The following MGLL variants were observed in gnomAD, a reference collection of about 807,000 sequenced individuals.
The protein encoded by MGLL is monoglyceride lipase.
A neutral mutation model predicts 29.1 loss-of-function variants in MGLL; 7 were observed. The observed-to-expected ratio is 0.24, with a 90% CI of 0.14 to 0.45. The LOEUF is 0.45. Among genes scored for constraint, MGLL ranks in the 20% least tolerant of loss-of-function variants. MGLL has a pLI of 0.99. For missense variants in MGLL, 356 were observed against 413.6 expected (o/e 0.86, Z 1.21); for synonymous variants, 148 against 168.3 (o/e 0.88, Z 0.93).
At chr3:127,813,692 A>C (rs1256527639) in intron 2 of MGLL, among the ~76,000 whole-genome samples, 1 of 152,172 alleles carries the variant, frequency 6.6e-6, no homozygotes. Flanking sequence ...CTTTCCATCT[A>C]TGAAATGATG....
At chr3:127,781,747 G>A in intron 3 of MGLL, 42 bp downstream of exon 3, 1 of 1,563,894 alleles carries the variant, frequency 6.4e-7, no homozygotes, top group Non-Finnish European at 8.8e-7. Context: ...TCTCCAAATT[G>A]TCAGGGCCCA....
intron 5 of MGLL, among the ~76,000 whole-genome samples, chr3:127,716,253 C>T (rs181922704): frequency 1.0e-3 from 153 of 152,350 alleles, no homozygotes; most frequent in African/African-American, 3.6e-3. Context: ...TCTGAATCCT[C>T]GAGAAAGTCT....
intron 3 of MGLL, among the ~76,000 whole-genome samples, chr3:127,754,561 G>A (rs980040217): frequency 1.3e-5 from 2 of 152,198 alleles, no homozygotes; most frequent in Admixed American, 6.5e-5. Flanking sequence ...CAGGGTGGAC[G>A]CTGAGGCACA....
chr3:127,705,864 A>G (rs1432138960), intron 6 of MGLL, among the ~76,000 whole-genome samples: 5 of 152,118 alleles, frequency 3.3e-5, no homozygotes, highest in Non-Finnish European at 5.9e-5. Context: ...ATCACTAACC[A>G]TTAGGGAAAT....
At position 127,719,583 on chromosome 3, in the gene MGLL, G is replaced by A. The variant is rs564715350; in HGVS notation, c.510+1470C>T. On this transcript the variant is annotated intron_variant, in intron 5 of 7. Coordinates refer to ENST00000265052, the MANE Select transcript of MGLL (RefSeq NM_007283.7). ...CTGCATATAGCAAATCCCATGGAAC[G>A]CAGCGGGAACGCCCCTGCTGCTGAG... is the stretch of plus-strand genomic sequence containing the variant. 8.5e-5 allele frequency among the ~76,000 whole-genome samples: 13 copies of A among 152,364 alleles called. No homozygotes were observed. In the South Asian group the frequency reaches 2.3e-3, roughly 27 times the overall value.
chr3:127,778,915 C>A (rs760951940), intron 3 of MGLL, among the ~76,000 whole-genome samples: 3 of 151,946 alleles, frequency 2.0e-5, no homozygotes, highest in Non-Finnish European at 4.4e-5. Context: ...TGGGGCCCAG[C>A]TAATTAAAAA....
rs1271496294 is a variant in MGLL, at chr3:127,692,959, T to C, written c.817-636A>G. Among the ~76,000 whole-genome samples, 3 of 152,216 alleles carry C rather than the reference T, an allele frequency of 2.0e-5. No homozygotes were observed. In the East Asian group the frequency reaches 5.8e-4, roughly 29 times the overall value. On this transcript the variant is annotated intron_variant, in intron 7 of 7. Coordinates refer to ENST00000265052, the MANE Select transcript of MGLL (RefSeq NM_007283.7). ...TGGCTGTGCCCTCCTTCACTCTCCC[T>C]GGTCACCTTGTCCAGTCCAGTGGTT...
intron 3 of MGLL, among the ~76,000 whole-genome samples, chr3:127,776,944 G>A (rs1403278274): frequency 6.6e-6 from 1 of 152,172 alleles, no homozygotes; most frequent in Admixed American, 6.5e-5. Flanking sequence ...GTAAGACACT[G>A]TCTTTGCCTG....
chr3:127,799,650 T>C (rs746714169), intron 2 of MGLL, among the ~76,000 whole-genome samples: 18 of 152,234 alleles, frequency 1.2e-4, no homozygotes, highest in Non-Finnish European at 1.9e-4. Context: ...TCCTGATTCC[T>C]GGCTGATGTC....
intron 6 of MGLL, among the ~76,000 whole-genome samples, chr3:127,708,625 G>A (rs782451): frequency 1.3e-5 from 2 of 152,222 alleles, no homozygotes; most frequent in East Asian, 1.9e-4. Flanking sequence ...GATAAACAAC[G>A]TGGATTTGCA....
Position 127,822,293 on chromosome 3 carries a change from A to G in MGLL, c.10+16T>C. The G allele has an allele frequency of 1.2e-6, 2 of 1,611,136 alleles. No individual in the cohort carries two copies. Among genetic ancestry groups the G allele is most frequent in the African/African-American group, 1.3e-5 (1 of 75,000 alleles). Reference sequence around the variant, plus strand: ...ATTATTCCTCCCATCTGAAATTCCAAGGATACATGACAAACCTGTTTCCAT... The same window carrying G: ...ATTATTCCTCCCATCTGAAATTCCAGGGATACATGACAAACCTGTTTCCAT... On this transcript the variant is annotated intron_variant, in intron 1 of 7. Coordinates refer to ENST00000265052, the MANE Select transcript of MGLL (RefSeq NM_007283.7).
intron 3 of MGLL, among the ~76,000 whole-genome samples, chr3:127,772,031 G>A (rs539232174): frequency 3.2e-4 from 49 of 152,186 alleles, no homozygotes; most frequent in Middle Eastern, 3.4e-3. Flanking sequence ...CTTTCCTACC[G>A]TCCCTCAAAA....
intron 2 of MGLL, among the ~76,000 whole-genome samples, chr3:127,796,210 A>T (rs2077379494): frequency 6.6e-6 from 1 of 152,202 alleles, no homozygotes; most frequent in Non-Finnish European, 1.5e-5. Flanking sequence ...AGATATTACT[A>T]ATCAATCCCA....
chr3:127,795,713 A>G (rs1261152831), intron 2 of MGLL, among the ~76,000 whole-genome samples: 1 of 152,138 alleles, frequency 6.6e-6, no homozygotes, highest in Non-Finnish European at 1.5e-5. Context: ...AAAGTGAAAA[A>G]AGCATGCCAC....
intron 2 of MGLL, among the ~76,000 whole-genome samples, chr3:127,783,143 CAAAAAAAA>C (rs72041528): frequency 9.4e-5 from 6 of 63,930 alleles, no homozygotes; most frequent in African/African-American, 1.3e-4. Flanking sequence ...GACTCTGTCT[CAAAAAAAA>C]AAAAAAAAAA....
At chr3:127,737,220 G>A (rs1403352758) in intron 3 of MGLL, among the ~76,000 whole-genome samples, 2 of 151,536 alleles carry the variant, frequency 1.3e-5, no homozygotes, top group African/African-American at 2.4e-5. Flanking sequence ...AGTGCTTCCT[G>A]TGTGCCCTGC....
At chr3:127,730,542 C>G (rs1158453940) in intron 3 of MGLL, among the ~76,000 whole-genome samples, 1 of 152,162 alleles carries the variant, frequency 6.6e-6, no homozygotes, top group Admixed American at 6.5e-5. Context: ...TCCATGGCAT[C>G]CACTGTAATT....
chr3:127,692,646 C>T (rs148579520), intron 7 of MGLL, among the ~76,000 whole-genome samples: 168 of 152,264 alleles, frequency 1.1e-3, no homozygotes, highest in Non-Finnish European at 1.8e-3. Flanking sequence ...GTTCCACTCC[C>T]GGCCTCACAT....
intron 3 of MGLL, among the ~76,000 whole-genome samples, chr3:127,755,876 A>G (rs1346834375): frequency 6.6e-6 from 1 of 152,160 alleles, no homozygotes; most frequent in Non-Finnish European, 1.5e-5. Flanking sequence ...TCTACCCAAT[A>G]TCCACTCTCT....
Sources: allele counts gnomAD v4.1 joint callset (sites outside exome capture counted in the v4.1 genomes callset), GRCh38; gene constraint gnomAD v4.1.1; transcripts MANE v1.5; gene names NCBI Gene and HGNC (gene_info 2026-07-23, HGNC 2026-07-21).